FTO: variants seen among roughly 807,000 people sequenced by gnomAD.
The protein encoded by FTO is FTO alpha-ketoglutarate dependent dioxygenase, also known as alpha-ketoglutarate-dependent dioxygenase FTO.
FTO carries 47 observed loss-of-function variants against 63.9 expected under a neutral mutation model. The observed-to-expected ratio is 0.74, with a 90% CI of 0.58 to 0.94. The LOEUF (loss-of-function observed/expected upper bound fraction) is 0.94. Among genes scored for constraint, FTO ranks in the 40% least tolerant of loss-of-function variants. FTO has a pLI of 0.00. For synonymous variants in FTO, 207 were observed against 224.4 expected (o/e 0.92, Z 0.69); for missense variants, 562 against 618.1 (o/e 0.91, Z 0.96).
intron 1 of FTO, among the ~76,000 whole-genome samples, chr16:53,793,264 A>G (rs1055097546): frequency 6.6e-6 from 1 of 152,110 alleles, no homozygotes; most frequent in African/African-American, 2.4e-5. Context: ...ATCACTCCCT[A>G]ATCTTTATTT....
At chr16:53,753,201 C>T (rs141395995) in intron 1 of FTO, among the ~76,000 whole-genome samples, 2 of 148,536 alleles carry the variant, frequency 1.3e-5, no homozygotes, top group East Asian at 4.0e-4. Context: ...TGCAGTGAGC[C>T]GTGATCGCAT....
chr16:53,827,989 T>C lies in FTO; in HGVS notation c.751+1498T>C, dbSNP rs1399603817. Among the ~76,000 whole-genome samples, 3 of 152,230 alleles carry C rather than the reference T, an allele frequency of 2.0e-5. No individual in the cohort carries two copies. The East Asian group carries it at 5.8e-4, about 29-fold the overall frequency. On this transcript the variant is annotated intron_variant, in intron 3 of 8. Transcript: ENST00000471389. ...AATTACTCTGAGCCCTCCAGTTTAATAGTCCTATTGTACTCCCTTCCCGTG... is the reference window on the plus strand; with the variant it reads ...AATTACTCTGAGCCCTCCAGTTTAACAGTCCTATTGTACTCCCTTCCCGTG...
At chr16:54,050,510 T>C (rs1334442839) in intron 8 of FTO, among the ~76,000 whole-genome samples, 2 of 152,166 alleles carry the variant, frequency 1.3e-5, no homozygotes, top group East Asian at 1.9e-4. Flanking sequence ...TTCTGGGTCA[T>C]GGAAACAGCT....
intron 3 of FTO, among the ~76,000 whole-genome samples, chr16:53,839,809 TTATTTATTTA>T (rs200018650): frequency 0.047 from 3,026 of 64,130 alleles, 120 homozygotes; most frequent in East Asian, 0.33. Context: ...ATTTATTTAT[TTATTTATTTA>T]TTTTAAGGTG....
intron 3 of FTO, among the ~76,000 whole-genome samples, chr16:53,840,007 G>C (rs1046783027): frequency 6.6e-6 from 1 of 151,934 alleles, no homozygotes; most frequent in Non-Finnish European, 1.5e-5. Context: ...GTTTCACCAT[G>C]TTGGCCAGGA....
chr16:53,714,836 AGTAGCC>A (rs2075856089), intron 1 of FTO, among the ~76,000 whole-genome samples: 1 of 152,156 alleles, frequency 6.6e-6, no homozygotes, highest in Non-Finnish European at 1.5e-5. Flanking sequence ...GGAAAGGATG[AGTAGCC>A]AGTGTTCCCA....
rs201595752 is a variant in FTO, at chr16:54,111,077, T to A, written c.1365-685T>A. On this transcript the variant is annotated intron_variant, in intron 8 of 8. Coordinates refer to ENST00000471389, the MANE Select transcript of FTO (RefSeq NM_001080432.3). ...AATTAATTTCTCTACTATTGATGAA[T>A]AATCCATTCAATAAAAACCGTGATT... 1.9e-3 allele frequency among the ~76,000 whole-genome samples: 289 copies of A among 152,324 alleles called. 5 individuals are homozygous for A. Among genetic ancestry groups the A allele is most frequent in the South Asian group, 0.018 (88 of 4,826 alleles).
chr16:53,821,545 A>C (rs1175523116), intron 2 of FTO, among the ~76,000 whole-genome samples: 1 of 152,196 alleles, frequency 6.6e-6, no homozygotes, highest in Non-Finnish European at 1.5e-5. Context: ...ATGGAAACTC[A>C]ATCCTTAATG....
intron 8 of FTO, among the ~76,000 whole-genome samples, chr16:54,065,646 G>T (rs1388182927): frequency 6.6e-6 from 1 of 152,158 alleles, no homozygotes; most frequent in Non-Finnish European, 1.5e-5. Context: ...TCTTCTAGAG[G>T]GTTTGGCTTG....
At chr16:53,807,681 G>C (rs935432817) in intron 1 of FTO, among the ~76,000 whole-genome samples, 1 of 152,156 alleles carries the variant, frequency 6.6e-6, no homozygotes, top group African/African-American at 2.4e-5. Flanking sequence ...ATGTGTGTTT[G>C]AATTATTCAA....
intron 8 of FTO, among the ~76,000 whole-genome samples, chr16:53,962,726 A>C (rs1217836415): frequency 6.6e-6 from 1 of 152,210 alleles, no homozygotes; most frequent in Non-Finnish European, 1.5e-5. Flanking sequence ...TGAGGTCCCA[A>C]ATATACTGAA....
At chr16:53,738,255 C>T (rs149172611) in intron 1 of FTO, among the ~76,000 whole-genome samples, 1 of 152,256 alleles carries the variant, frequency 6.6e-6, no homozygotes, top group African/African-American at 2.4e-5. Context: ...CTCCCCACCT[C>T]AGGTGATCTG....
chr16:53,750,137 A>C (rs1351830046), intron 1 of FTO, among the ~76,000 whole-genome samples: 1 of 152,240 alleles, frequency 6.6e-6, no homozygotes, highest in Non-Finnish European at 1.5e-5. Context: ...TGGCATGTTT[A>C]ATTGGTAAGA....
At chr16:53,880,042 T>A (rs1261661506) in intron 6 of FTO, 55 bp downstream of exon 6, 4 of 1,372,702 alleles carry the variant, frequency 2.9e-6, no homozygotes, top group Non-Finnish European at 4.1e-6. Flanking sequence ...TCACCCAGGC[T>A]GGAGTGCAGC....
intron 1 of FTO, among the ~76,000 whole-genome samples, chr16:53,752,931 T>C (rs934333438): frequency 1.3e-5 from 2 of 152,068 alleles, no homozygotes; most frequent in African/African-American, 4.8e-5. Context: ...TTTTTTTTTT[T>C]TTTTAAAGAA....
chr16:53,995,198 T>A (rs2143941843), intron 8 of FTO, among the ~76,000 whole-genome samples: 1 of 152,332 alleles, frequency 6.6e-6, no homozygotes. Flanking sequence ...GTGTATATGA[T>A]TGTCTCGTTC....
At chr16:53,799,535 A>G (rs1344288750) in intron 1 of FTO, among the ~76,000 whole-genome samples, 1 of 152,014 alleles carries the variant, frequency 6.6e-6, no homozygotes, top group African/African-American at 2.4e-5. Context: ...ACTCAGGGAG[A>G]GGAAGTGGGG....
rs567067644 is a variant in FTO, at chr16:53,754,494, C to T, written c.45+50265C>T. Among the ~76,000 whole-genome samples the T allele has an allele frequency of 9.0e-4, 137 of 152,226 alleles. 1 individual carries two copies. The highest frequency in any genetic ancestry group is 2.6e-3 in the African/African-American group (107 of 41,522). On this transcript the variant is annotated intron_variant, in intron 1 of 8. Coordinates refer to ENST00000471389, the MANE Select transcript of FTO (RefSeq NM_001080432.3). ...CTCTACTAAAAATGCAAAAATTGGC[C>T]GGGCACGGTGGCGGATGCCTATAAT...
intron 1 of FTO, among the ~76,000 whole-genome samples, chr16:53,715,537 T>A (rs75013915): frequency 0.055 from 8,399 of 152,278 alleles, 358 homozygotes; most frequent in East Asian, 0.24. Flanking sequence ...GATGTGTTTT[T>A]GCATCGTTGT....
Sources: allele counts gnomAD v4.1 joint callset (sites outside exome capture counted in the v4.1 genomes callset), GRCh38; gene constraint gnomAD v4.1.1; transcripts MANE v1.5; gene names NCBI Gene and HGNC (gene_info 2026-07-23, HGNC 2026-07-21).